ADAMTS16: variants seen among roughly 807,000 people sequenced by gnomAD.
ADAMTS16 encodes ADAM metallopeptidase with thrombospondin type 1 motif 16, also known as A disintegrin and metalloproteinase with thrombospondin motifs 16.
Under a neutral mutation model 145.8 loss-of-function variants are expected in ADAMTS16, and 94 were observed. That is an observed-to-expected ratio of 0.64 (90% CI 0.55 to 0.77). ADAMTS16 has a LOEUF of 0.77. Among genes scored for constraint, ADAMTS16 ranks in the 30% least tolerant of loss-of-function variants. ADAMTS16 has a pLI of 0.00. For synonymous variants in ADAMTS16, 659 were observed against 604.3 expected (o/e 1.09, Z -1.33); for missense variants, 1,585 against 1,591.5 (o/e 1.00, Z 0.07).
intron 2 of ADAMTS16, among the ~76,000 whole-genome samples, chr5:5,144,301 T>C (rs1004300038): frequency 2.6e-5 from 4 of 152,242 alleles, no homozygotes; most frequent in Admixed American, 2.6e-4. Context: ...CCTTACAGGC[T>C]ACACTTTTTT....
In ADAMTS16 at chr5:5,140,380, C is replaced by A. The variant is rs1734118088; in HGVS notation, c.-88C>A. The A allele has an allele frequency of 1.5e-6, 2 of 1,321,966 alleles. No individual in the cohort carries two copies. The highest frequency in any genetic ancestry group is 2.0e-6 in the Non-Finnish European group (2 of 1,006,388). The allele number at this position is 1,321,966 out of a possible 1,614,324, so 81.9% of individuals were successfully genotyped here. On this transcript the variant is annotated 5_prime_UTR_variant, in exon 1 of 23. Transcript: ENST00000274181. ...AGTCGCTGTGGGGAATCCTCCCGCGCTCTGCCTGGGTCGGGTCCTCCCTGC... is the reference window on the plus strand; with the variant it reads ...AGTCGCTGTGGGGAATCCTCCCGCGATCTGCCTGGGTCGGGTCCTCCCTGC...
intron 8 of ADAMTS16, among the ~76,000 whole-genome samples, chr5:5,195,338 G>A (rs548018911): frequency 2.3e-4 from 35 of 152,202 alleles, no homozygotes; most frequent in Middle Eastern, 3.2e-3. Flanking sequence ...GCTGAACTGC[G>A]CATTTGGGAG....
chr5:5,254,313 G>A (rs1176260371), intron 17 of ADAMTS16, among the ~76,000 whole-genome samples: 1 of 151,892 alleles, frequency 6.6e-6, no homozygotes, highest in Non-Finnish European at 1.5e-5. Context: ...CTTTCCCGTT[G>A]TCATAACTTT....
chr5:5,215,658 T>C (rs1437358658), intron 10 of ADAMTS16, among the ~76,000 whole-genome samples: 3 of 150,426 alleles, frequency 2.0e-5, no homozygotes, highest in Non-Finnish European at 4.4e-5. Flanking sequence ...GCAAATGCTG[T>C]TAATTGATTC....
chr5:5,299,743 C>T (rs1477719156), intron 18 of ADAMTS16, among the ~76,000 whole-genome samples: 2 of 150,848 alleles, frequency 1.3e-5, no homozygotes, highest in Non-Finnish European at 2.9e-5. Flanking sequence ...GGGACTGCGT[C>T]TCCAGAGTCC....
At chr5:5,145,252 T>C (rs1734262737) in intron 2 of ADAMTS16, among the ~76,000 whole-genome samples, 1 of 152,244 alleles carries the variant, frequency 6.6e-6, no homozygotes, top group African/African-American at 2.4e-5. Context: ...AATACATACA[T>C]TTACAGTGAA....
chr5:5,242,092 T>C lies in ADAMTS16; in HGVS notation c.2563T>C (p.Tyr855His), dbSNP rs755361913. The C allele has an allele frequency of 1.9e-6, 3 of 1,614,222 alleles. No individual in the cohort carries two copies. Among genetic ancestry groups the C allele is most frequent in the Non-Finnish European group, 1.7e-6 (2 of 1,180,022 alleles). ...QGRNPGVAWE[Y>H]SMPRLGTEKQ... The stretch of plus-strand genomic sequence containing the variant: ...AAGGAACCCGGGTGTTGCCTGGGAA[T>C]ACTCCATGCCTCGCTTGGGGACCGA... The change falls in exon 17 of 23, where the codon TAC becomes CAC. Residue 855 changes from tyrosine to histidine, a missense_variant. Physicochemically the swap from Tyr to His is moderately conservative, Grantham distance 83 (BLOSUM62 2). Around this residue, in one of 3 missense-constraint regions of ADAMTS16, gnomAD observed 834 missense variants for 811.7 expected, o/e 1.03. Coordinates refer to ENST00000274181, the MANE Select transcript of ADAMTS16 (RefSeq NM_139056.4).
At chr5:5,143,134 T>G (rs1233266220) in intron 2 of ADAMTS16, among the ~76,000 whole-genome samples, 1 of 152,060 alleles carries the variant, frequency 6.6e-6, no homozygotes, top group East Asian at 1.9e-4. Context: ...AAATAAGATC[T>G]AATTAAACTA....
chr5:5,240,375 C>G (rs1010101517), intron 16 of ADAMTS16, among the ~76,000 whole-genome samples: 85 of 152,334 alleles, frequency 5.6e-4, no homozygotes, highest in African/African-American at 2.0e-3. Flanking sequence ...TGGCGGGCCA[C>G]AGCTCCGCAG....
At chr5:5,295,641 A>C (rs981940171) in intron 18 of ADAMTS16, among the ~76,000 whole-genome samples, 1 of 152,234 alleles carries the variant, frequency 6.6e-6, no homozygotes, top group African/African-American at 2.4e-5. Flanking sequence ...TGACTAAAGA[A>C]GAGTTTCTAA....
rs777068228 is a variant in ADAMTS16 at position 5,146,335 on chromosome 5, G to A, written c.381G>A (p.Thr127=). The A allele has an allele frequency of 5.6e-6, 9 of 1,614,158 alleles. No homozygotes were observed. The highest frequency in any genetic ancestry group is 1.7e-5 in the Admixed American group (1 of 60,024). The change falls in exon 3 of 23, where the codon ACG becomes ACA. Residue 127 remains threonine, a synonymous_variant. Transcript: ENST00000274181. The stretch of plus-strand genomic sequence containing the variant: ...TGGCTCCTGGCTTTATTGTGCAGAC[G>A]TTGGGAAAGACAGGCACTAAGTCTG... ...SLVAPGFIVQ[T]LGKTGTKSVQ... is the part of the protein sequence containing the mutation.
chr5:5,216,491 C>T (rs1324707828), intron 10 of ADAMTS16, among the ~76,000 whole-genome samples: 1 of 152,036 alleles, frequency 6.6e-6, no homozygotes. Flanking sequence ...GTTTACTCTG[C>T]TGACTGTTTC....
At chr5:5,239,093 A>G (rs952816376) in intron 14 of ADAMTS16, 58 bp from the exon 15 acceptor site, 1 of 1,400,166 alleles carries the variant, frequency 7.1e-7, no homozygotes, top group Non-Finnish European at 9.4e-7. Flanking sequence ...GATTGGTGAC[A>G]GTATTGCTGT....
Position 5,317,338 on chromosome 5 carries a change from A to T in ADAMTS16, c.3412-796A>T, listed in dbSNP as rs1734093029. ...CTTGCTGCCTGTAATTTGAGGAGATAATATGCCAATCCATGAATATCAGCT... is the reference window on the plus strand; with the variant it reads ...CTTGCTGCCTGTAATTTGAGGAGATTATATGCCAATCCATGAATATCAGCT... On this transcript the variant is annotated intron_variant, in intron 21 of 22. Coordinates refer to ENST00000274181, the MANE Select transcript of ADAMTS16 (RefSeq NM_139056.4). This position sits in a 1 kb window ranked among gnomAD's most constrained non-coding sequence, Gnocchi z 4.5. Among the ~76,000 whole-genome samples, 5 of 152,326 alleles carry T rather than the reference A, an allele frequency of 3.3e-5. No individual in the cohort carries two copies. Among genetic ancestry groups the T allele is most frequent in the Admixed American group, 3.3e-4 (5 of 15,306 alleles).
intron 16 of ADAMTS16, among the ~76,000 whole-genome samples, chr5:5,240,651 C>G (rs1254996836): frequency 6.6e-6 from 1 of 152,160 alleles, no homozygotes; most frequent in Non-Finnish European, 1.5e-5. Context: ...TGGATACCCC[C>G]ACCTGTTCCC....
rs1392684776 is a variant in ADAMTS16, at chr5:5,317,893, G to C, written c.3412-241G>C. 1.3e-5 allele frequency among the ~76,000 whole-genome samples: 2 copies of C among 152,182 alleles called. No homozygotes were observed. The highest frequency in any genetic ancestry group is 2.4e-5 in the African/African-American group (1 of 41,454). On this transcript the variant is annotated intron_variant, in intron 21 of 22. Transcript: ENST00000274181. This position sits in a 1 kb window ranked among gnomAD's most constrained non-coding sequence, Gnocchi z 4.5. The stretch of plus-strand genomic sequence containing the variant: ...GGAGCTATGTCAGCTGGTTGGTTTG[G>C]AATGCTCTGCTAGAGGCCTGGCCCA...
At chr5:5,257,725 C>T (rs544584665) in intron 17 of ADAMTS16, among the ~76,000 whole-genome samples, 34 of 152,342 alleles carry the variant, frequency 2.2e-4, no homozygotes, top group African/African-American at 7.7e-4. Flanking sequence ...ATGCTGGCAG[C>T]TTGGTGTCCT....
At chr5:5,186,019 G>C (rs1453465089) in intron 4 of ADAMTS16, 33 bp from the exon 5 acceptor site, 1 of 1,576,178 alleles carries the variant, frequency 6.3e-7, no homozygotes, top group Non-Finnish European at 8.7e-7. Context: ...TGTGACTTGT[G>C]CTTCCATTTG....
rs10680781 is a variant in ADAMTS16, at chr5:5,196,237, C to CAAAAA, written c.1314-3880_1314-3876dup. ...TGGGCAACAGAGAGAGCCTCCATCT[C>CAAAAA]AAAAAAAAAAAAAAAAAAAGCAGCA... is the stretch of plus-strand genomic sequence containing the variant. On this transcript the variant is annotated intron_variant, in intron 8 of 22. Transcript: ENST00000274181. 9.1e-4 allele frequency among the ~76,000 whole-genome samples: 86 copies of CAAAAA among 95,012 alleles called. 6 individuals carry two copies. The highest frequency in any genetic ancestry group is 6.5e-3 in the Middle Eastern group (1 of 154). The allele number at this position is 95,012 out of a possible 152,430, so 62.3% of individuals were successfully genotyped here. A position where few individuals can be genotyped will look rare whatever the true frequency, so the allele number is the denominator to read the frequency against.
Sources: gnomAD v4.1 joint callset for allele counts (sites outside exome capture counted in the v4.1 genomes callset) on GRCh38, gnomAD v4.1.1 for gene constraint, gnomAD v4.1.1 regional missense constraint, Gnocchi (gnomAD v3.1) non-coding constraint, MANE v1.5 for transcripts, NCBI Gene and HGNC (gene_info 2026-07-23, HGNC 2026-07-21) for gene names.